GULP1: variants seen among roughly 807,000 people sequenced by gnomAD.
GULP1 encodes the protein GULP PTB domain containing engulfment adaptor 1, also known as PTB domain-containing engulfment adapter protein 1.
Under a neutral mutation model 40.9 loss-of-function variants are expected in GULP1, and 19 were observed. The ratio of observed to expected loss-of-function variants is 0.46; its 90% confidence interval spans 0.32 to 0.68. GULP1 has a LOEUF of 0.68. Among genes scored for constraint, GULP1 ranks in the 30% least tolerant of loss-of-function variants. GULP1 has a pLI of 0.03. For synonymous variants in GULP1, 119 were observed against 117.6 expected (o/e 1.01, Z -0.08); for missense variants, 312 against 362.2 (o/e 0.86, Z 1.12).
chr2:188,369,738 T>C (rs373141860), intron 1 of GULP1, among the ~76,000 whole-genome samples: 1 of 152,246 alleles, frequency 6.6e-6, no homozygotes, highest in Non-Finnish European at 1.5e-5. Context: ...AAGTATCTTA[T>C]TCCTCTGTGT....
intron 1 of GULP1, among the ~76,000 whole-genome samples, chr2:188,335,735 G>C (rs2042170005): frequency 2.0e-5 from 3 of 152,114 alleles, no homozygotes; most frequent in Admixed American, 2.0e-4. Flanking sequence ...TTTGCCCTTA[G>C]TTTATAGTAA....
At chr2:188,551,574 T>A (rs1261979385) in intron 7 of GULP1, among the ~76,000 whole-genome samples, 1 of 151,790 alleles carries the variant, frequency 6.6e-6, no homozygotes, top group African/African-American at 2.4e-5. Context: ...ATTTATCCAT[T>A]GGCGGACATT....
intron 1 of GULP1, among the ~76,000 whole-genome samples, chr2:188,382,065 G>C (rs1457598180): frequency 1.3e-5 from 2 of 152,042 alleles, no homozygotes; most frequent in Non-Finnish European, 2.9e-5. Flanking sequence ...ATTTAAAATT[G>C]TTGCTTTTTG....
At chr2:188,350,880 G>T (rs2044358976) in intron 1 of GULP1, among the ~76,000 whole-genome samples, 1 of 152,052 alleles carries the variant, frequency 6.6e-6, no homozygotes, top group South Asian at 2.1e-4. Context: ...AATGTGCTAG[G>T]CATTGTAGAG....
At position 188,489,342 on chromosome 2, in the gene GULP1, G is replaced by C. The variant is rs143222206; in HGVS notation, c.90+5850G>C. On this transcript the variant is annotated intron_variant, in intron 4 of 11. Coordinates refer to ENST00000409830, the MANE Select transcript of GULP1 (RefSeq NM_016315.4). Reference sequence around the variant, plus strand: ...AACATAAGCACTTGCCAGTTTTGCTGGTTGTAGAAACCAGGGGAAATATAA... The same window carrying C: ...AACATAAGCACTTGCCAGTTTTGCTCGTTGTAGAAACCAGGGGAAATATAA... Among the ~76,000 whole-genome samples the C allele has an allele frequency of 4.6e-3, 705 of 151,994 alleles. 4 individuals carry two copies. Among genetic ancestry groups the C allele is most frequent in the African/African-American group, 0.016 (661 of 41,474 alleles).
At chr2:188,580,956 T>C (rs1469664476) in intron 9 of GULP1, among the ~76,000 whole-genome samples, 7 of 152,324 alleles carry the variant, frequency 4.6e-5, no homozygotes, top group African/African-American at 1.4e-4. Flanking sequence ...GGCCCGAGCG[T>C]AGGCAGTTAC....
intron 9 of GULP1, among the ~76,000 whole-genome samples, chr2:188,581,689 A>G (rs946447076): frequency 6.6e-6 from 1 of 152,112 alleles, no homozygotes; most frequent in Non-Finnish European, 1.5e-5. Flanking sequence ...CCATCACCCA[A>G]AAAGTCTTAC....
At chr2:188,383,679 A>G (rs1311064844) in intron 1 of GULP1, 84 bp from the exon 2 acceptor site, 1 of 152,200 alleles carries the variant, frequency 6.6e-6, no homozygotes, top group Non-Finnish European at 1.5e-5. Context: ...TGGAATTTTA[A>G]AAGATATGCT....
At chr2:188,306,424 T>C (rs1333203065) in intron 1 of GULP1, among the ~76,000 whole-genome samples, 3 of 152,212 alleles carry the variant, frequency 2.0e-5, no homozygotes, top group African/African-American at 7.2e-5. Context: ...TAAGTTAAAC[T>C]GTTAGACATT....
intron 7 of GULP1, among the ~76,000 whole-genome samples, chr2:188,557,997 C>T (rs1326075593): frequency 2.0e-5 from 3 of 152,154 alleles, no homozygotes; most frequent in African/African-American, 7.2e-5. Context: ...CCTAGGAAGC[C>T]TGCAATGGGA....
intron 3 of GULP1, among the ~76,000 whole-genome samples, chr2:188,479,180 G>A (rs1422896397): frequency 6.6e-6 from 1 of 152,022 alleles, no homozygotes; most frequent in Non-Finnish European, 1.5e-5. Context: ...TGAAGTGAGA[G>A]GTGTTCAAAC....
intron 3 of GULP1, among the ~76,000 whole-genome samples, chr2:188,479,063 T>C (rs1213857551): frequency 6.6e-6 from 1 of 152,056 alleles, no homozygotes; most frequent in Non-Finnish European, 1.5e-5. Flanking sequence ...AAAGGACAAA[T>C]AGGTGTAAAT....
chr2:188,580,360 C>T (rs1044368846), intron 9 of GULP1, among the ~76,000 whole-genome samples: 9 of 151,636 alleles, frequency 5.9e-5, no homozygotes, highest in East Asian at 3.9e-4. Context: ...GAGACCATCC[C>T]GGCTAAAACG....
chr2:188,362,564 C>A (rs1413526054), intron 1 of GULP1, among the ~76,000 whole-genome samples: 3 of 152,076 alleles, frequency 2.0e-5, no homozygotes, highest in Non-Finnish European at 4.4e-5. Context: ...TTAGTGCCTG[C>A]AGGACGTACA....
intron 4 of GULP1, among the ~76,000 whole-genome samples, chr2:188,514,212 A>G (rs1474876524): frequency 6.6e-6 from 1 of 152,074 alleles, no homozygotes; most frequent in Non-Finnish European, 1.5e-5. Flanking sequence ...ACTTGTTTCT[A>G]TTGATCTTTC....
At chr2:188,528,073 T>C (rs1340936816) in intron 5 of GULP1, among the ~76,000 whole-genome samples, 2 of 152,156 alleles carry the variant, frequency 1.3e-5, no homozygotes, top group African/African-American at 4.8e-5. Flanking sequence ...TTTCTTTCCA[T>C]TTCTTAAAAA....
chr2:188,580,910 G>C (rs530518227), intron 9 of GULP1, among the ~76,000 whole-genome samples: 7 of 152,316 alleles, frequency 4.6e-5, no homozygotes, highest in African/African-American at 1.7e-4. Flanking sequence ...GCTGAGGAAT[G>C]TGGCTCCCGG....
chr2:188,313,016 T>G (rs1250019393), intron 1 of GULP1, among the ~76,000 whole-genome samples: 1 of 152,174 alleles, frequency 6.6e-6, no homozygotes, highest in Admixed American at 6.5e-5. Context: ...ACTCTGGATA[T>G]TAGACCTTTG....
chr2:188,352,618 T>TCACACACACACACA (rs66499080), intron 1 of GULP1, among the ~76,000 whole-genome samples: 6,155 of 134,426 alleles, frequency 0.046, 166 homozygotes, highest in Middle Eastern at 0.07. Flanking sequence ...TCTCTCTCTC[T>TCACACACACACACA]CACACACACA....
Sources: allele counts gnomAD v4.1 joint callset (sites outside exome capture counted in the v4.1 genomes callset), GRCh38; gene constraint gnomAD v4.1.1; transcripts MANE v1.5; gene names NCBI Gene and HGNC (gene_info 2026-07-23, HGNC 2026-07-21).